Variants in PINX1 observed in about 807,000 individuals in gnomAD.
The protein encoded by PINX1 is PIN2 (TERF1) interacting telomerase inhibitor 1.
Under a neutral mutation model 25.4 loss-of-function variants are expected in PINX1, and 34 were observed. That is an observed-to-expected ratio of 1.34 (90% confidence interval 1.02 to 1.78). The LOEUF (loss-of-function observed/expected upper bound fraction) is 1.78, where lower values mean the gene tolerates loss of function less well. Among genes scored for constraint, PINX1 ranks in the 40% most tolerant of loss-of-function variants. The probability of loss-of-function intolerance (pLI) is 0.00; values close to 1 mark genes in which losing one functional copy is unlikely to be tolerated. For missense variants in PINX1, 592 were observed against 404.9 expected (o/e 1.46, Z -3.97); for synonymous variants, 197 against 147.7 (o/e 1.33, Z -2.42).
chr8:10,765,779 A>G lies in PINX1; in HGVS notation c.609T>C (p.Ser203=), dbSNP rs17152329. The G allele has an allele frequency of 7.9e-3, 12,736 of 1,613,918 alleles. 528 individuals are homozygous for G. In the African/African-American group the frequency reaches 0.11, roughly 13 times the overall value. Residue 203 remains serine (S), a synonymous_variant, in exon 7 of 7, where the codon TCT becomes TCC. Coordinates refer to ENST00000314787, the MANE Select transcript of PINX1 (RefSeq NM_017884.6). ...PQVPVPGSDI[S]ETQVERKRGK... ...CCCTTTTACGTTCCACCTGCGTCTC[A>G]GAAATGTCAGACCCTGGAACTGGAA...
intron 6 of PINX1, among the ~76,000 whole-genome samples, chr8:10,814,339 C>G (rs558737653): frequency 6.6e-6 from 1 of 152,162 alleles, no homozygotes; most frequent in Non-Finnish European, 1.5e-5. Flanking sequence ...TCTGAATAGC[C>G]GGATTCAGCA....
chr8:10,828,947 A>G (rs973936364), intron 4 of PINX1, among the ~76,000 whole-genome samples: 5 of 152,232 alleles, frequency 3.3e-5, no homozygotes, highest in Admixed American at 6.5e-5. Flanking sequence ...TTTAATAAGC[A>G]TTCATTAAAA....
At chr8:10,827,675 A>T (rs13274017) in intron 4 of PINX1, among the ~76,000 whole-genome samples, 1 of 151,176 alleles carries the variant, frequency 6.6e-6, no homozygotes, top group Non-Finnish European at 1.5e-5. Flanking sequence ...GGTAGGCCGC[A>T]GCAGGCAGAT....
At chr8:10,778,655 C>T (rs2033369) in intron 6 of PINX1, among the ~76,000 whole-genome samples, 59,027 of 151,990 alleles carry the variant, frequency 0.39, 12,043 homozygotes, top group Non-Finnish European at 0.45. Context: ...GACACGTGGC[C>T]GCTGTTAAAC....
intron 6 of PINX1, among the ~76,000 whole-genome samples, chr8:10,792,815 A>C (rs1326090440): frequency 1.3e-5 from 2 of 152,164 alleles, no homozygotes; most frequent in African/African-American, 4.8e-5. Flanking sequence ...CATAGCTGTC[A>C]CCTGTGTGAA....
At position 10,810,108 on chromosome 8, in the gene PINX1, A is replaced by T. The variant is rs369179506; in HGVS notation, c.471+10085T>A. 3.3e-5 allele frequency among the ~76,000 whole-genome samples: 5 copies of T among 152,294 alleles called. No individual in the cohort carries two copies. The South Asian group carries it at 6.2e-4, about 19-fold the overall frequency. On this transcript the variant is annotated intron_variant, in intron 6 of 6. Transcript: ENST00000314787. ...TGAGAACTCATTCATTACCATGAGG[A>T]TATCAAGTCATGCATAAGGGATCCG...
intron 4 of PINX1, 32 bp downstream of exon 4, chr8:10,831,633 C>A: frequency 3.0e-6 from 4 of 1,352,340 alleles, no homozygotes; most frequent in Non-Finnish European, 4.2e-6. Flanking sequence ...AACATATTTG[C>A]ATTGAGAACT....
intron 6 of PINX1, among the ~76,000 whole-genome samples, chr8:10,778,937 A>T (rs1801497556): frequency 6.6e-6 from 1 of 152,224 alleles, no homozygotes; most frequent in Non-Finnish European, 1.5e-5. Flanking sequence ...GGGCCTGGCA[A>T]GCATCCCACT....
chr8:10,839,011 C>A (rs1586220106), intron 1 of PINX1, among the ~76,000 whole-genome samples: 3 of 152,182 alleles, frequency 2.0e-5, no homozygotes, highest in Admixed American at 1.3e-4. Context: ...CACTGTACAA[C>A]TCGCCAAGCA....
intron 4 of PINX1, among the ~76,000 whole-genome samples, chr8:10,830,999 C>T (rs991668327): frequency 1.3e-5 from 2 of 152,280 alleles, no homozygotes; most frequent in Admixed American, 6.5e-5. Context: ...TGCAAACCCA[C>T]GTTCACTGCA....
At chr8:10,811,293 C>G (rs1454513841) in intron 6 of PINX1, among the ~76,000 whole-genome samples, 1 of 152,210 alleles carries the variant, frequency 6.6e-6, no homozygotes. Context: ...ATTCACAACA[C>G]TATATGGCCC....
chr8:10,771,606 T>C (rs1353594553), intron 6 of PINX1, among the ~76,000 whole-genome samples: 3 of 152,190 alleles, frequency 2.0e-5, no homozygotes, highest in African/African-American at 7.2e-5. Context: ...GTACAGTAAG[T>C]GCTCAACAAA....
intron 6 of PINX1, among the ~76,000 whole-genome samples, chr8:10,802,917 A>C (rs1802315434): frequency 1.3e-5 from 2 of 152,214 alleles, no homozygotes; most frequent in African/African-American, 4.8e-5. Context: ...GAAAGGATTT[A>C]AGGAAGAAAT....
chr8:10,782,110 T>C (rs563294304), intron 6 of PINX1, among the ~76,000 whole-genome samples: 2 of 152,248 alleles, frequency 1.3e-5, no homozygotes, highest in South Asian at 4.1e-4. Context: ...CATTGCATGA[T>C]CTCACTGATA....
intron 6 of PINX1, among the ~76,000 whole-genome samples, chr8:10,796,661 C>T (rs1315514776): frequency 6.6e-6 from 1 of 151,922 alleles, no homozygotes; most frequent in African/African-American, 2.4e-5. Context: ...ATTACTCTGC[C>T]CACATTTTTT....
intron 5 of PINX1, 64 bp from the exon 6 acceptor site, chr8:10,820,333 G>A (rs750962301): frequency 9.0e-7 from 1 of 1,107,986 alleles, no homozygotes; most frequent in South Asian, 1.3e-5. Flanking sequence ...GCGCAGACAT[G>A]AACTATGCAG....
chr8:10,805,625 G>A (rs11991288), intron 6 of PINX1, among the ~76,000 whole-genome samples: 4,448 of 53,304 alleles, frequency 0.083, 198 homozygotes, highest in East Asian at 0.14. Flanking sequence ...AGTGGGTGAC[G>A]GAGCACAGGA....
Position 10,808,696 on chromosome 8 carries a change from C to T in PINX1, c.471+11497G>A, listed in dbSNP as rs62492349. 3.3e-5 allele frequency among the ~76,000 whole-genome samples: 5 copies of T among 152,248 alleles called. No homozygotes were observed. The South Asian group carries it at 8.3e-4, about 25-fold the overall frequency. On this transcript the variant is annotated intron_variant, in intron 6 of 6. Transcript: ENST00000314787. ...GGACCAGAAGCTGGAGATCTTAACTCGGAAGGAAGCCAGGAAAAGATAATT... is the reference window on the plus strand; with the variant it reads ...GGACCAGAAGCTGGAGATCTTAACTTGGAAGGAAGCCAGGAAAAGATAATT...
At chr8:10,826,783 T>C (rs1798063347) in intron 4 of PINX1, among the ~76,000 whole-genome samples, 1 of 152,166 alleles carries the variant, frequency 6.6e-6, no homozygotes, top group South Asian at 2.1e-4. Context: ...CAGAACATTC[T>C]CGACATGACA....
Sources: gnomAD v4.1 joint callset for allele counts (sites outside exome capture counted in the v4.1 genomes callset) on GRCh38, gnomAD v4.1.1 for gene constraint, MANE v1.5 for transcripts, NCBI Gene and HGNC (gene_info 2026-07-23, HGNC 2026-07-21) for gene names.